Variants in SNRPN observed in about 807,000 individuals in gnomAD.
SNRPN encodes small nuclear ribonucleoprotein polypeptide N, also known as small nuclear ribonucleoprotein-associated protein N.
A neutral mutation model predicts 25.2 loss-of-function variants in SNRPN; 7 were observed. That is an observed-to-expected ratio of 0.28 (90% CI 0.16 to 0.52). SNRPN has a LOEUF of 0.52. Among genes scored for constraint, SNRPN ranks in the 20% least tolerant of loss-of-function variants. SNRPN has a pLI of 0.96. For missense variants in SNRPN, 196 were observed against 322.5 expected (o/e 0.61, Z 3.00); for synonymous variants, 124 against 110.6 (o/e 1.12, Z -0.76).
Position 24,977,999 on chromosome 15 carries a change from A to G in SNRPN, c.559+83A>G. 9 of 1,370,644 alleles carry G rather than the reference A, an allele frequency of 6.6e-6. No individual in the cohort carries two copies. In the South Asian group the frequency reaches 1.3e-4, roughly 19 times the overall value. The allele number at this position is 1,370,644 out of a possible 1,614,324, so 84.9% of individuals were successfully genotyped here. ...GATTTAAGACACAGCCTGAGAGCCT[A>G]AGAATTTGGGGAATATGCTTCCTTC... On this transcript the variant is annotated intron_variant, in intron 8 of 9. Coordinates refer to ENST00000390687, the MANE Select transcript of SNRPN (RefSeq NM_003097.6).
intron 2 of SNRPN, among the ~76,000 whole-genome samples, chr15:24,898,205 G>A: frequency 6.6e-6 from 1 of 152,226 alleles, no homozygotes; most frequent in Non-Finnish European, 1.5e-5. Context: ...AAACATTTCT[G>A]AGCAAAAATG....
intron 1 of SNRPN, among the ~76,000 whole-genome samples, chr15:24,858,292 T>C (rs2053620970): frequency 6.6e-6 from 1 of 152,254 alleles, no homozygotes; most frequent in Admixed American, 6.5e-5. Context: ...CCTCCTGAAG[T>C]TCGCGGGGAA....
chr15:24,950,616 C>T (rs2062190878), upstream of SNRPN, among the ~76,000 whole-genome samples: 1 of 143,172 alleles, frequency 7.0e-6, no homozygotes, highest in African/African-American at 2.6e-5. Context: ...GGTGCCATCA[C>T]AGCTTACTGC....
intron 1 of SNRPN, among the ~76,000 whole-genome samples, chr15:24,958,449 T>C (rs1348453869): frequency 6.8e-6 from 1 of 146,540 alleles, no homozygotes; most frequent in Non-Finnish European, 1.5e-5. Context: ...CTACTTAAGG[T>C]AGCCTCTCTC....
rs2056393522 is a variant in SNRPN at position 24,879,684 on chromosome 15, G to A, written c.-578-6832G>A. Among the ~76,000 whole-genome samples the A allele has an allele frequency of 2.0e-5, 3 of 152,326 alleles. No individual in the cohort carries two copies. In the South Asian group the frequency reaches 6.2e-4, roughly 32 times the overall value. ...ATATTTTTTTGTTTGCATATGGCCT[G>A]AGGGTCAAATTCTGCCCAGCATGTT... On this transcript the variant is annotated intron_variant, in intron 1 of 11. Transcript: ENST00000400097.
At chr15:24,894,515 A>G (rs1595753293) in intron 2 of SNRPN, among the ~76,000 whole-genome samples, 1 of 152,208 alleles carries the variant, frequency 6.6e-6, no homozygotes, top group South Asian at 2.1e-4. Flanking sequence ...CACCGTGCCC[A>G]GCCGAAACAA....
upstream of SNRPN, among the ~76,000 whole-genome samples, chr15:24,853,672 C>T (rs67741963): frequency 0.092 from 13,925 of 152,154 alleles, 772 homozygotes; most frequent in South Asian, 0.26. Flanking sequence ...GGATTACAGG[C>T]GTGAGCCACC....
intron 2 of SNRPN, among the ~76,000 whole-genome samples, chr15:24,895,952 T>G (rs2058058558): frequency 6.6e-6 from 1 of 152,200 alleles, no homozygotes; most frequent in Non-Finnish European, 1.5e-5. Flanking sequence ...ATGTTTGTAT[T>G]AAAGGTGTTA....
chr15:24,890,941 C>T (rs571410702), intron 2 of SNRPN, among the ~76,000 whole-genome samples: 86 of 152,014 alleles, frequency 5.7e-4, no homozygotes, highest in African/African-American at 2.0e-3. Context: ...GATAGAGTCT[C>T]GTTCTATCGC....
Position 24,864,112 on chromosome 15 carries a change from C to G in SNRPN, c.-579+7396C>G, listed in dbSNP as rs1011529052. Among the ~76,000 whole-genome samples, 208 of 148,130 alleles carry G rather than the reference C, an allele frequency of 1.4e-3. 14 individuals are homozygous for G. The highest frequency in any genetic ancestry group is 4.9e-3 in the African/African-American group (191 of 39,330). On this transcript the variant is annotated intron_variant, in intron 1 of 11. Transcript: ENST00000400097. ...CGTGAACTCTGCTTACTGCAAGCTCCGCCTCCCGGGTTCACACTATTCTCC... is the reference window on the plus strand; with the variant it reads ...CGTGAACTCTGCTTACTGCAAGCTCGGCCTCCCGGGTTCACACTATTCTCC...
Position 24,977,910 on chromosome 15 carries a change from C to T in SNRPN, c.553C>T (p.Pro185Ser). ...CCCACCCGTCGGCAGAGCAACCCCA[C>T]CTCCAGGTAAGGGATTGGTGAACAC... ...PPPPVGRATP[P>S]PGIMAPPPGM... Residue 185 changes from proline to serine, a missense_variant, in exon 8 of 10, where the codon CCT becomes TCT. Transcript: ENST00000390687. 1.3e-6 allele frequency: 2 copies of T among 1,563,524 alleles called. No individual in the cohort carries two copies. The highest frequency in any genetic ancestry group is 1.2e-5 in the South Asian group (1 of 83,740).
chr15:24,832,675 T>C (rs974486863), intron 2 of SNRPN, among the ~76,000 whole-genome samples: 1 of 152,034 alleles, frequency 6.6e-6, no homozygotes, highest in African/African-American at 2.4e-5. Flanking sequence ...TAAGCCTTGC[T>C]ACCGGTCACT....
intron 1 of SNRPN, among the ~76,000 whole-genome samples, chr15:24,879,469 T>C (rs1244122871): frequency 6.6e-6 from 1 of 152,070 alleles, no homozygotes; most frequent in Non-Finnish European, 1.5e-5. Context: ...AAATTATACA[T>C]TTAATTGAAG....
At chr15:24,893,351 T>C (rs74972984) in intron 2 of SNRPN, among the ~76,000 whole-genome samples, 2 of 152,182 alleles carry the variant, frequency 1.3e-5, no homozygotes, top group Non-Finnish European at 1.5e-5. Context: ...GTGCCGTGGC[T>C]CATGCCTGTA....
chr15:24,919,957 C>T (rs1362992054), intron 2 of SNRPN: 1 of 152,144 alleles, frequency 6.6e-6, no homozygotes, highest in Non-Finnish European at 1.5e-5. Context: ...GATACATGTA[C>T]TTCTATTTTG....
intron 1 of SNRPN, among the ~76,000 whole-genome samples, chr15:24,868,519 T>C (rs951421094): frequency 6.6e-6 from 1 of 152,144 alleles, no homozygotes; most frequent in African/African-American, 2.4e-5. Flanking sequence ...TATTCTCTTG[T>C]TTCAAAATAA....
chr15:24,952,113 A>G (rs1342641635), upstream of SNRPN, among the ~76,000 whole-genome samples: 2 of 152,164 alleles, frequency 1.3e-5, no homozygotes, highest in Non-Finnish European at 2.9e-5. Context: ...ACACATACAC[A>G]AATGTTATAT....
chr15:24,824,305 C>A (rs1231873450), intron 1 of SNRPN, among the ~76,000 whole-genome samples: 2 of 152,114 alleles, frequency 1.3e-5, no homozygotes, highest in Non-Finnish European at 2.9e-5. Context: ...GAGTCCCATT[C>A]TGAATGCAGA....
intron 4 of SNRPN, 40 bp from the exon 5 acceptor site, chr15:24,975,318 G>T: frequency 6.3e-7 from 1 of 1,575,336 alleles, no homozygotes. Context: ...AGACTAGGGT[G>T]TTGGCAAGCT....
Sources: allele counts gnomAD v4.1 joint callset (sites outside exome capture counted in the v4.1 genomes callset), GRCh38; gene constraint gnomAD v4.1.1; transcripts MANE v1.5; gene names NCBI Gene and HGNC (gene_info 2026-07-23, HGNC 2026-07-21).